Variants in USP37 observed in about 807,000 individuals in gnomAD.
USP37 encodes the protein ubiquitin carboxyl-terminal hydrolase 37.
USP37 carries 27 observed loss-of-function variants against 124.0 expected under a neutral mutation model. The ratio of observed to expected loss-of-function variants is 0.22; its 90% CI spans 0.16 to 0.30. The LOEUF (loss-of-function observed/expected upper bound fraction) is 0.30. Among genes scored for constraint, USP37 ranks in the 10% least tolerant of loss-of-function variants. The pLI, the probability that USP37 is intolerant of heterozygous loss-of-function variation, is 1.00. For missense variants in USP37, 889 were observed against 1,140.4 expected, an observed-to-expected ratio of 0.78 and a Z score of 3.17; for synonymous variants, 365 against 388.0, an observed-to-expected ratio of 0.94 and a Z score of 0.70.
In USP37 at chr2:218,524,221, T is replaced by C. The variant is rs144693754; in HGVS notation, c.863+5735A>G. Among the ~76,000 whole-genome samples the C allele has an allele frequency of 2.6e-3, 396 of 152,338 alleles. 1 individual carries two copies. Among genetic ancestry groups the C allele is most frequent in the Non-Finnish European group, 4.5e-3 (303 of 68,034 alleles). On this transcript the variant is annotated intron_variant, in intron 10 of 25. Coordinates refer to ENST00000258399, the MANE Select transcript of USP37 (RefSeq NM_020935.3). ...GAAAAACTATAATTTTCTCTTCTCA[T>C]ATTGCTGTTACAAGGTTTTATTAAA...
chr2:218,532,358 C>T (rs900219134), intron 9 of USP37, among the ~76,000 whole-genome samples: 2 of 150,106 alleles, frequency 1.3e-5, no homozygotes, highest in African/African-American at 2.5e-5. Flanking sequence ...CCCAGCTACT[C>T]GGGAGGCTGA....
At position 218,534,564 on chromosome 2, in the gene USP37, A is replaced by G. The variant is rs757386566; in HGVS notation, c.778+45T>C. Reference sequence around the variant, plus strand: ...GGTTTTTATTTCTAATCTAATAAATATATAATAAATGAGCACCTTATTTAT... The same window carrying G: ...GGTTTTTATTTCTAATCTAATAAATGTATAATAAATGAGCACCTTATTTAT... On this transcript the variant is annotated intron_variant, in intron 9 of 25. Coordinates refer to ENST00000258399, the MANE Select transcript of USP37 (RefSeq NM_020935.3). The G allele has an allele frequency of 1.4e-5, 17 of 1,187,958 alleles. No homozygotes were observed. The Admixed American group carries it at 1.7e-4, about 12-fold the overall frequency. 73.6% of individuals were successfully genotyped at this position (1,187,958 alleles called of 1,614,324 possible).
At position 218,466,882 on chromosome 2, in the gene USP37, C is replaced by T. The variant is rs1324560662; in HGVS notation, c.2300-706G>A. ...CCAAGCAGCTGGGATTACAGGTGCA[C>T]GCCATCACACCTAACTAATTTTTGT... On this transcript the variant is annotated intron_variant, in intron 20 of 25. Transcript: ENST00000258399. 3.3e-5 allele frequency among the ~76,000 whole-genome samples: 5 copies of T among 151,870 alleles called. No homozygotes were observed. In the East Asian group the frequency reaches 7.8e-4, roughly 24 times the overall value.
intron 10 of USP37, among the ~76,000 whole-genome samples, chr2:218,526,913 C>A (rs1221777113): frequency 4.0e-5 from 6 of 151,240 alleles, no homozygotes; most frequent in African/African-American, 1.5e-4. Context: ...CTCAGCCTCC[C>A]GAGTAGCTGG....
intron 10 of USP37, among the ~76,000 whole-genome samples, chr2:218,512,172 G>C (rs923843119): frequency 6.6e-6 from 1 of 152,200 alleles, no homozygotes. Context: ...TCAGGAGTTT[G>C]AAACCAGCCT....
chr2:218,521,650 T>C (rs1690627671), intron 10 of USP37, among the ~76,000 whole-genome samples: 1 of 152,296 alleles, frequency 6.6e-6, no homozygotes, highest in South Asian at 2.1e-4. Context: ...TTCATCCATG[T>C]CCCTGCAAAG....
At chr2:218,472,949 T>C (rs1489661937) in intron 20 of USP37, among the ~76,000 whole-genome samples, 1 of 152,204 alleles carries the variant, frequency 6.6e-6, no homozygotes, top group Non-Finnish European at 1.5e-5. Flanking sequence ...TCACTACATT[T>C]GGTTGTCAGG....
chr2:218,478,905 C>T (rs1422574794), intron 18 of USP37, among the ~76,000 whole-genome samples: 1 of 151,990 alleles, frequency 6.6e-6, no homozygotes, highest in Non-Finnish European at 1.5e-5. Flanking sequence ...AATAGCAGTT[C>T]CCAAATGTCA....
chr2:218,514,020 T>C (rs1690142877), intron 10 of USP37, among the ~76,000 whole-genome samples: 1 of 152,096 alleles, frequency 6.6e-6, no homozygotes, highest in African/African-American at 2.4e-5. Context: ...GGTTTTACCA[T>C]GTTGTCCAGG....
chr2:218,536,511 C>G (rs1161353422), intron 8 of USP37, among the ~76,000 whole-genome samples: 2 of 152,204 alleles, frequency 1.3e-5, no homozygotes, highest in African/African-American at 4.8e-5. Flanking sequence ...AAGCCCAGCT[C>G]TCCTGATTTG....
intron 8 of USP37, among the ~76,000 whole-genome samples, chr2:218,536,017 CAAAAAAAAAAAAA>C (rs59248363): frequency 3.7e-5 from 3 of 80,830 alleles, no homozygotes; most frequent in African/African-American, 9.1e-5. Context: ...GACTTCATCT[CAAAAAAAAAAAAA>C]AAAAAAAAAA....
intron 3 of USP37, among the ~76,000 whole-genome samples, chr2:218,559,768 G>A (rs1287692640): frequency 6.6e-6 from 1 of 152,152 alleles, no homozygotes; most frequent in East Asian, 1.9e-4. Context: ...TTGGAAGGAT[G>A]AGGTGGGCAG....
At chr2:218,553,311 T>C (rs1157434373) in intron 5 of USP37, among the ~76,000 whole-genome samples, 1 of 152,132 alleles carries the variant, frequency 6.6e-6, no homozygotes, top group Non-Finnish European at 1.5e-5. Flanking sequence ...ATTTTGTCAA[T>C]GTTTTCATCT....
At chr2:218,458,253 T>TC (rs1553536998) in intron 23 of USP37, among the ~76,000 whole-genome samples, 1 of 70,948 alleles carries the variant, frequency 1.4e-5, no homozygotes, top group African/African-American at 5.8e-5. Flanking sequence ...AGACCTTGCC[T>TC]AAAAAAAAAA....
chr2:218,480,308 G>A (rs556430639), intron 17 of USP37, among the ~76,000 whole-genome samples: 20 of 149,064 alleles, frequency 1.3e-4, no homozygotes, highest in Non-Finnish European at 2.5e-4. Context: ...GCTGACGCAG[G>A]AGAATGGCGT....
At chr2:218,526,933 C>T (rs569453709) in intron 10 of USP37, among the ~76,000 whole-genome samples, 19 of 151,776 alleles carry the variant, frequency 1.3e-4, no homozygotes, top group South Asian at 6.3e-4. Context: ...GGACTACAGG[C>T]GCCCGCCACC....
intron 10 of USP37, among the ~76,000 whole-genome samples, 174 bp downstream of exon 10, chr2:218,529,782 C>T (rs536068237): frequency 1.6e-4 from 25 of 152,238 alleles, no homozygotes; most frequent in Non-Finnish European, 2.8e-4. Context: ...CCACTGTGCT[C>T]AGCTCATTTC....
At chr2:218,563,696 G>A (rs558451561) in intron 1 of USP37, among the ~76,000 whole-genome samples, 35 of 152,156 alleles carry the variant, frequency 2.3e-4, no homozygotes, top group Admixed American at 3.9e-4. Flanking sequence ...TTAAGCTACT[G>A]CACTTTCAAG....
chr2:218,555,829 T>C (rs1692940351), intron 4 of USP37, among the ~76,000 whole-genome samples: 2 of 152,284 alleles, frequency 1.3e-5, no homozygotes, highest in East Asian at 1.9e-4. Context: ...CTGCTCCGTA[T>C]CATGGAAGAC....
Sources: gnomAD v4.1 joint callset for allele counts (sites outside exome capture counted in the v4.1 genomes callset) on GRCh38, gnomAD v4.1.1 for gene constraint, MANE v1.5 for transcripts, NCBI Gene and HGNC (gene_info 2026-07-23, HGNC 2026-07-21) for gene names.